BTNL8: variants seen among roughly 807,000 people sequenced by gnomAD.
BTNL8 encodes butyrophilin-like protein 8.
In BTNL8, 22 loss-of-function variants were observed where a neutral mutation model predicts 36.1. That is an observed-to-expected ratio of 0.61 (90% CI 0.44 to 0.87). The LOEUF is 0.87. Among genes scored for constraint, BTNL8 ranks in the 40% least tolerant of loss-of-function variants. The probability of loss-of-function intolerance (pLI) is 0.00; values close to 1 mark genes in which losing one functional copy is unlikely to be tolerated. For missense variants in BTNL8, 526 were observed against 616.9 expected (o/e 0.85, Z 1.56); for synonymous variants, 203 against 235.6 (o/e 0.86, Z 1.27).
chr5:180,945,806 T>A, intron 3 of BTNL8: 2 of 510,496 alleles, frequency 3.9e-6, no homozygotes, highest in Non-Finnish European at 7.8e-6. Flanking sequence ...TCGGTCAGGG[T>A]TCTTGCTCTT....
At chr5:180,943,050 T>C (rs1422188864) in intron 3 of BTNL8, among the ~76,000 whole-genome samples, 1 of 151,762 alleles carries the variant, frequency 6.6e-6, no homozygotes, top group Admixed American at 6.6e-5. Flanking sequence ...TGACTAGGTA[T>C]TCATATCCAG....
intron 3 of BTNL8, among the ~76,000 whole-genome samples, chr5:180,941,437 C>T (rs1180492474): frequency 6.6e-6 from 1 of 152,196 alleles, no homozygotes; most frequent in Non-Finnish European, 1.5e-5. Context: ...TTCTTCCAAA[C>T]TCATTCCATG....
intron 3 of BTNL8, among the ~76,000 whole-genome samples, chr5:180,925,982 T>C (rs540439652): frequency 6.7e-6 from 1 of 150,234 alleles, no homozygotes; most frequent in African/African-American, 2.5e-5. Context: ...ATATTTTGTG[T>C]ATGCCTCATG....
intron 3 of BTNL8, among the ~76,000 whole-genome samples, chr5:180,917,784 T>C (rs1024379851): frequency 6.6e-5 from 10 of 151,394 alleles, no homozygotes; most frequent in Non-Finnish European, 1.5e-4. Context: ...ATCCCAGCAC[T>C]CTGGGAGGCC....
At chr5:180,927,522 G>T (rs1212885750) in intron 3 of BTNL8, among the ~76,000 whole-genome samples, 1 of 151,936 alleles carries the variant, frequency 6.6e-6, no homozygotes, top group African/African-American at 2.4e-5. Context: ...GTGGGTAATA[G>T]CAAACTCCTT....
At chr5:180,905,789 G>T (rs1422629620) in intron 1 of BTNL8, among the ~76,000 whole-genome samples, 2 of 150,474 alleles carry the variant, frequency 1.3e-5, no homozygotes, top group Non-Finnish European at 3.0e-5. Flanking sequence ...TATGTACCCA[G>T]TAGTCATTCA....
intron 3 of BTNL8, among the ~76,000 whole-genome samples, chr5:180,940,148 C>A (rs967035616): frequency 6.6e-6 from 1 of 151,970 alleles, no homozygotes; most frequent in African/African-American, 2.4e-5. Flanking sequence ...GGGTCAAGAC[C>A]AGCCTGACCA....
chr5:180,911,256 G>A (rs1757377836), intron 2 of BTNL8, 83 bp from the exon 3 acceptor site: 1 of 1,555,176 alleles, frequency 6.4e-7, no homozygotes. Flanking sequence ...TGGGTGGGGG[G>A]TGGACTGAAT....
intron 3 of BTNL8, among the ~76,000 whole-genome samples, chr5:180,913,619 C>A (rs1428332714): frequency 6.6e-6 from 1 of 152,206 alleles, no homozygotes; most frequent in East Asian, 1.9e-4. Context: ...AGAGATCCTG[C>A]ATTTAATGTT....
Position 180,935,415 on chromosome 5 carries a change from A to C in BTNL8, c.674-12097A>C, listed in dbSNP as rs1302668792. Among the ~76,000 whole-genome samples, 2 of 152,238 alleles carry C rather than the reference A, an allele frequency of 1.3e-5. No individual in the cohort carries two copies. Among genetic ancestry groups the C allele is most frequent in the Non-Finnish European group, 2.9e-5 (2 of 68,040 alleles). Reference sequence around the variant, plus strand: ...CCCTCCTGTGCTCACTGGTGCTCAAAGTCCAGAAGGAGCTGAGGAGGCAGA... The same window carrying C: ...CCCTCCTGTGCTCACTGGTGCTCAACGTCCAGAAGGAGCTGAGGAGGCAGA... On this transcript the variant is annotated intron_variant, in intron 3 of 7. Transcript: ENST00000340184. This position sits in a 1 kb window ranked among gnomAD's most constrained non-coding sequence, Gnocchi z 4.8.
intron 1 of BTNL8, among the ~76,000 whole-genome samples, chr5:180,905,270 G>C (rs1330820465): frequency 2.0e-5 from 3 of 149,702 alleles, no homozygotes; most frequent in African/African-American, 7.5e-5. Context: ...TGTATGTGTC[G>C]AGGAATTTAT....
At chr5:180,909,342 T>A (rs1244006532) in intron 2 of BTNL8, among the ~76,000 whole-genome samples, 1 of 152,244 alleles carries the variant, frequency 6.6e-6, no homozygotes, top group African/African-American at 2.4e-5. Context: ...ATCCAAATTA[T>A]TGCTTGTATC....
intron 3 of BTNL8, among the ~76,000 whole-genome samples, chr5:180,943,181 C>A (rs141271420): frequency 7.3e-6 from 1 of 136,268 alleles, no homozygotes; most frequent in African/African-American, 2.8e-5. Context: ...GTCGCCCAGA[C>A]TGCAGTGCAA....
At chr5:180,921,611 T>A (rs1757861573) in intron 3 of BTNL8, among the ~76,000 whole-genome samples, 1 of 151,806 alleles carries the variant, frequency 6.6e-6, no homozygotes, top group Non-Finnish European at 1.5e-5. Context: ...AATAAACTAT[T>A]GTATTCTTAA....
At chr5:180,941,110 G>GAGGAAGGAAGGA (rs1177352611) in intron 3 of BTNL8, among the ~76,000 whole-genome samples, 26,645 of 124,114 alleles carry the variant, frequency 0.21, 3,746 homozygotes, top group East Asian at 0.35. Context: ...GGAAGGAAGG[G>GAGGAAGGAAGGA]AGGAAGGAAG....
chr5:180,928,586 C>T (rs1758214156), intron 3 of BTNL8, among the ~76,000 whole-genome samples: 1 of 152,148 alleles, frequency 6.6e-6, no homozygotes, highest in South Asian at 2.1e-4. Flanking sequence ...CGTGCAAAGA[C>T]ACACATAGGC....
At chr5:180,923,831 T>C (rs1347571570) in intron 3 of BTNL8, among the ~76,000 whole-genome samples, 7 of 152,142 alleles carry the variant, frequency 4.6e-5, no homozygotes, top group Non-Finnish European at 1.0e-4. Flanking sequence ...CAAAATACAT[T>C]GCATTTTATA....
rs536802125 is a variant in BTNL8 at position 180,945,594 on chromosome 5, A to C, written c.674-1918A>C. Among the ~76,000 whole-genome samples the C allele has an allele frequency of 9.4e-4, 143 of 152,342 alleles. 1 individual carries two copies. Among genetic ancestry groups the C allele is most frequent in the Non-Finnish European group, 1.1e-3 (75 of 68,030 alleles). On this transcript the variant is annotated intron_variant, in intron 3 of 7. Coordinates refer to ENST00000340184, the MANE Select transcript of BTNL8 (RefSeq NM_001040462.3). Reference sequence around the variant, plus strand: ...AGGGTTAATAACCAAAATATATAAGAAATTCAAACAGCTCAATAGAAAGAA... The same window carrying C: ...AGGGTTAATAACCAAAATATATAAGCAATTCAAACAGCTCAATAGAAAGAA...
chr5:180,938,103 A>G (rs2387717), intron 3 of BTNL8, among the ~76,000 whole-genome samples: 90,534 of 151,942 alleles, frequency 0.6, 28,245 homozygotes, highest in African/African-American at 0.79. Flanking sequence ...TACAGGAGAT[A>G]AATCAGAAGA....
Sources: allele counts gnomAD v4.1 joint callset (sites outside exome capture counted in the v4.1 genomes callset), GRCh38; gene constraint gnomAD v4.1.1; non-coding constraint Gnocchi (gnomAD v3.1); transcripts MANE v1.5; gene names NCBI Gene and HGNC (gene_info 2026-07-23, HGNC 2026-07-21).